The following TNRC6A variants were observed in gnomAD, a reference collection of about 807,000 sequenced individuals.
TNRC6A encodes trinucleotide repeat containing adaptor 6A, also known as trinucleotide repeat-containing gene 6A protein.
In TNRC6A, 44 loss-of-function variants were observed where a neutral mutation model predicts 221.2. The observed-to-expected ratio is 0.20, with a 90% CI of 0.16 to 0.26. The LOEUF (loss-of-function observed/expected upper bound fraction) is 0.26, where lower values mean the gene tolerates loss of function less well. Ranked by LOEUF, TNRC6A falls within the 10% of genes least tolerant of loss-of-function variation. TNRC6A has a pLI of 1.00. For missense variants in TNRC6A, 2,199 were observed against 2,404.4 expected (o/e 0.91, Z 1.79); for synonymous variants, 847 against 838.5 (o/e 1.01, Z -0.18).
rs186527645 is a variant in TNRC6A at position 24,753,764 on chromosome 16, A to G, written c.141+2951A>G. Among the ~76,000 whole-genome samples the G allele has an allele frequency of 5.9e-5, 9 of 152,380 alleles. No individual in the cohort carries two copies. The East Asian group carries it at 1.7e-3, about 29-fold the overall frequency. On this transcript the variant is annotated intron_variant, in intron 3 of 24. Transcript: ENST00000395799. ...AAATGTTGGCACATAAACTCACTAC[A>G]GTAAAAAGTATTTTATGTAATTTAT...
rs1310136411 is a variant in TNRC6A at position 24,806,236 on chromosome 16, A to C, written c.4282A>C (p.Ser1428Arg). Reference protein sequence around the residue: ...RLLAQQQRAQSQRSVPSGNRP... With the variant: ...RLLAQQQRAQRQRSVPSGNRP... ...GTTAGCGCAGCAGCAAAGGGCGCAG[A>C]GTCAGAGAAGCGTGCCTTCTGGGAA... The change falls in exon 16 of 25, where the codon AGT (serine) becomes CGT (arginine). Residue 1428 changes from serine (S) to arginine (R), a missense_variant. Physicochemically the swap from Ser to Arg is moderately radical, Grantham distance 110. This residue lies in a region of TNRC6A where 449 missense variants were observed against 579.7 expected (regional missense o/e 0.77). Transcript: ENST00000395799. The C allele has an allele frequency of 1.9e-6, 3 of 1,614,226 alleles. No individual in the cohort carries two copies. Among genetic ancestry groups the C allele is most frequent in the Non-Finnish European group, 8.5e-7 (1 of 1,180,044 alleles).
intron 2 of TNRC6A, chr16:24,664,854 G>T: frequency 2.2e-6 from 1 of 452,932 alleles, no homozygotes; most frequent in South Asian, 1.6e-5. Flanking sequence ...GTAAATGAAG[G>T]TCGAGTTTTG....
rs575553748 is a variant in TNRC6A at position 24,794,763 on chromosome 16, A to C, written c.3528+44A>C. Reference sequence around the variant, plus strand: ...AAGCCCTTGAAACTTTAAATTCCAAAGGTAGTTTACCCACAGAAAATTAAC... The same window carrying C: ...AAGCCCTTGAAACTTTAAATTCCAACGGTAGTTTACCCACAGAAAATTAAC... On this transcript the variant is annotated intron_variant, in intron 8 of 24. Coordinates refer to ENST00000395799, the MANE Select transcript of TNRC6A (RefSeq NM_014494.4). 4.9e-5 allele frequency: 77 copies of C among 1,564,424 alleles called. 2 individuals carry two copies. In the East Asian group the frequency reaches 1.7e-3, roughly 35 times the overall value.
intron 9 of TNRC6A, among the ~76,000 whole-genome samples, chr16:24,796,797 A>T (rs535270719): frequency 3.0e-3 from 451 of 152,286 alleles, no homozygotes; most frequent in African/African-American, 0.01. Context: ...CCATAATGAG[A>T]GACATAGATC....
At chr16:24,730,733 T>C (rs2056615673) in intron 2 of TNRC6A, among the ~76,000 whole-genome samples, 10 of 5,002 alleles carry the variant, frequency 2.0e-3, no homozygotes, top group African/African-American at 2.3e-3. Context: ...GTGTTCGCAT[T>C]CCCCCCCGCC....
intron 4 of TNRC6A, among the ~76,000 whole-genome samples, chr16:24,767,326 A>G (rs994561665): frequency 6.6e-6 from 1 of 152,200 alleles, no homozygotes; most frequent in Non-Finnish European, 1.5e-5. Context: ...AGTGTGTTGA[A>G]TGCTTCTCTG....
intron 4 of TNRC6A, 121 bp from the exon 5 acceptor site, chr16:24,776,812 C>T: frequency 1.3e-6 from 2 of 1,500,396 alleles, no homozygotes; most frequent in Non-Finnish European, 1.8e-6. Context: ...TATCCCTGCT[C>T]ACAGAAAGCT....
At position 24,625,118 on chromosome 16, in the gene TNRC6A, G is replaced by A. The variant is rs574504513; in HGVS notation, n.276+14634G>A. Among the ~76,000 whole-genome samples the A allele has an allele frequency of 7.2e-5, 11 of 152,284 alleles. No homozygotes were observed. In the East Asian group the frequency reaches 2.1e-3, roughly 29 times the overall value. ...TTATCTCTATGATTTCAAGTAGTGT[G>A]TCAACACATTATGGCCAGTAGCTTG... On this transcript the variant is annotated intron_variant and non_coding_transcript_variant, in intron 1 of 2. Transcript: ENST00000566108.
chr16:24,745,509 T>G (rs985308536), intron 2 of TNRC6A, among the ~76,000 whole-genome samples: 1 of 152,184 alleles, frequency 6.6e-6, no homozygotes, highest in East Asian at 1.9e-4. Context: ...TATTTTTATT[T>G]CTAGCTTGTA....
chr16:24,675,420 T>C (rs11862185), intron 2 of TNRC6A, among the ~76,000 whole-genome samples: 27,839 of 151,296 alleles, frequency 0.18, 3,465 homozygotes, highest in South Asian at 0.36. Context: ...GTGGTTCATA[T>C]GTGTAATCCC....
At chr16:24,788,270 T>C (rs1166107125) in intron 5 of TNRC6A, among the ~76,000 whole-genome samples, 1 of 152,232 alleles carries the variant, frequency 6.6e-6, no homozygotes, top group Non-Finnish European at 1.5e-5. Flanking sequence ...TAACCATTAC[T>C]TTTCTGTTCT....
chr16:24,701,280 A>G, intron 2 of TNRC6A, among the ~76,000 whole-genome samples: 1 of 149,348 alleles, frequency 6.7e-6, no homozygotes. Context: ...CTAAGAATTC[A>G]CTCCTCTGCT....
chr16:24,679,015 G>A (rs1374078405), intron 2 of TNRC6A, among the ~76,000 whole-genome samples: 1 of 102,386 alleles, frequency 9.8e-6, no homozygotes, highest in African/African-American at 3.7e-5. Flanking sequence ...TTTTTTTTTT[G>A]GATATAGAGT....
Position 24,750,922 on chromosome 16 carries a change from A to T in TNRC6A, c.141+109A>T. 7.7e-6 allele frequency: 8 copies of T among 1,043,002 alleles called. No homozygotes were observed. The South Asian group carries it at 2.5e-4, about 32-fold the overall frequency. 64.6% of individuals were successfully genotyped at this position (1,043,002 alleles called of 1,614,324 possible). A position where few individuals can be genotyped will look rare whatever the true frequency, so the allele number is the denominator to read the frequency against. ...TATTTGATTTAATGTTTTAGCTTTAATGGAGATTCATTTTAATATTTAATG... is the reference window on the plus strand; with the variant it reads ...TATTTGATTTAATGTTTTAGCTTTATTGGAGATTCATTTTAATATTTAATG... On this transcript the variant is annotated intron_variant, in intron 3 of 24. Coordinates refer to ENST00000395799, the MANE Select transcript of TNRC6A (RefSeq NM_014494.4).
chr16:24,753,066 A>G (rs1316127862), intron 3 of TNRC6A, among the ~76,000 whole-genome samples: 5 of 152,216 alleles, frequency 3.3e-5, no homozygotes, highest in African/African-American at 1.2e-4. Context: ...ACATTCTTGT[A>G]TAATCAAATC....
rs970172453 is a variant in TNRC6A, at chr16:24,789,256, C to A, written c.614C>A (p.Ser205Tyr). Residue 205 changes from serine to tyrosine, a missense_variant, in exon 6 of 25, where the codon TCC (serine) becomes TAC (tyrosine). Transcript: ENST00000395799. ...GATATAAACCACAGTACTTCAGGAT[C>A]CCATTATGAAAATTCCCAGCGGGGA... ...QSDINHSTSGSHYENSQRGPV... is the reference protein window; with the variant it reads ...QSDINHSTSGYHYENSQRGPV... The A allele has an allele frequency of 5.8e-5, 93 of 1,607,116 alleles. No homozygotes were observed. Among genetic ancestry groups the A allele is most frequent in the Non-Finnish European group, 7.7e-5 (91 of 1,176,320 alleles).
At chr16:24,749,692 G>A (rs1239994428) in intron 2 of TNRC6A, among the ~76,000 whole-genome samples, 2 of 152,134 alleles carry the variant, frequency 1.3e-5, no homozygotes, top group Non-Finnish European at 2.9e-5. Context: ...GCTTTGAATA[G>A]AATAAAAAAG....
At chr16:24,800,701 A>G (rs1420022731) in intron 11 of TNRC6A, among the ~76,000 whole-genome samples, 1 of 152,156 alleles carries the variant, frequency 6.6e-6, no homozygotes, top group Non-Finnish European at 1.5e-5. Context: ...GTCCTGGGAA[A>G]AGGCATTCAT....
intron 5 of TNRC6A, among the ~76,000 whole-genome samples, chr16:24,777,785 C>T (rs1434315271): frequency 6.6e-6 from 1 of 152,116 alleles, no homozygotes; most frequent in Admixed American, 6.6e-5. Context: ...TGCCCAGGCT[C>T]ATTCAGTTAC....
Sources: gnomAD v4.1 joint callset for allele counts (sites outside exome capture counted in the v4.1 genomes callset) on GRCh38, gnomAD v4.1.1 for gene constraint, gnomAD v4.1.1 regional missense constraint, MANE v1.5 for transcripts, NCBI Gene and HGNC (gene_info 2026-07-23, HGNC 2026-07-21) for gene names.